Variants in KIAA1549L observed in about 807,000 individuals in gnomAD.
KIAA1549L encodes the protein UPF0606 protein KIAA1549L.
In KIAA1549L, 88 loss-of-function variants were observed where a neutral mutation model predicts 160.7. That is an observed-to-expected ratio of 0.55 (90% CI 0.46 to 0.65). The LOEUF (loss-of-function observed/expected upper bound fraction) is 0.65. Among genes scored for constraint, KIAA1549L ranks in the 30% least tolerant of loss-of-function variants. The probability of loss-of-function intolerance (pLI) is 0.00; values close to 1 mark genes in which losing one functional copy is unlikely to be tolerated. For synonymous variants in KIAA1549L, 950 were observed against 976.7 expected (o/e 0.97, Z 0.51); for missense variants, 2,258 against 2,437.5 (o/e 0.93, Z 1.55).
rs1040914626 is a variant in KIAA1549L at position 33,409,763 on chromosome 11, C to T, written c.238+32874C>T. ...AGCTTGCTTTTCTTATGTGTTCTCA[C>T]CTCTTTTTTTTTTTTTTTTTTCCTG... On this transcript the variant is annotated intron_variant, in intron 1 of 20. Transcript: ENST00000658780. Among the ~76,000 whole-genome samples the T allele has an allele frequency of 2.5e-5, 3 of 118,392 alleles. 1 individual carries two copies. The highest frequency in any genetic ancestry group is 8.5e-3 in the Middle Eastern group (2 of 234). 77.7% of individuals were successfully genotyped at this position (118,392 alleles called of 152,430 possible).
In KIAA1549L at chr11:33,551,203, C is replaced by A. The variant is rs770633070; in HGVS notation, c.3665C>A (p.Ala1222Glu). Residue 1222 changes from alanine to glutamate, a missense_variant, in exon 5 of 21, where the codon GCA becomes GAA. Physicochemically the swap from Ala to Glu is moderately radical, Grantham distance 107 (BLOSUM62 -1). Transcript: ENST00000658780. Reference protein sequence around the residue: ...KQHTPHLQSVAVLASPWNPQP... With the variant: ...KQHTPHLQSVEVLASPWNPQP... ...CACACCCCACACTTACAGTCTGTGG[C>A]AGTACTTGCCTCCCCATGGAATCCC... 7.4e-6 allele frequency: 12 copies of A among 1,613,774 alleles called. No homozygotes were observed. Among genetic ancestry groups the A allele is most frequent in the African/African-American group, 1.3e-5 (1 of 74,930 alleles).
intron 8 of KIAA1549L, among the ~76,000 whole-genome samples, chr11:33,567,108 CCCT>C (rs1421062277): frequency 6.6e-6 from 1 of 152,132 alleles, no homozygotes; most frequent in Non-Finnish European, 1.5e-5. Context: ...GTCCTGAAAA[CCCT>C]CCTCCCTGCA....
At chr11:33,643,347 C>A (rs946484317) in intron 16 of KIAA1549L, among the ~76,000 whole-genome samples, 1 of 152,160 alleles carries the variant, frequency 6.6e-6, no homozygotes, top group Non-Finnish European at 1.5e-5. Flanking sequence ...CCCAGTACTA[C>A]CCCACCCCAG....
chr11:33,445,043 G>T (rs12291618), intron 1 of KIAA1549L, among the ~76,000 whole-genome samples: 4,608 of 152,284 alleles, frequency 0.03, 234 homozygotes, highest in African/African-American at 0.11. Context: ...GTCCAGGGAT[G>T]CAGAAATAGT....
chr11:33,581,262 A>G (rs993253837), intron 10 of KIAA1549L, among the ~76,000 whole-genome samples: 14 of 152,202 alleles, frequency 9.2e-5, no homozygotes, highest in African/African-American at 3.1e-4. Flanking sequence ...AATATTTGAG[A>G]CATAGGTGAC....
intron 1 of KIAA1549L, among the ~76,000 whole-genome samples, chr11:33,385,639 A>C (rs1370637388): frequency 6.6e-6 from 1 of 152,098 alleles, no homozygotes; most frequent in East Asian, 1.9e-4. Context: ...TATGCTTTCT[A>C]TACAGATTTT....
chr11:33,458,014 C>T (rs1314861481), intron 1 of KIAA1549L, among the ~76,000 whole-genome samples: 2 of 152,222 alleles, frequency 1.3e-5, no homozygotes, highest in African/African-American at 4.8e-5. Flanking sequence ...GCTTCATTCT[C>T]TCATCCCAAG....
At chr11:33,585,194 C>A (rs1036022210) in intron 11 of KIAA1549L, among the ~76,000 whole-genome samples, 7 of 152,128 alleles carry the variant, frequency 4.6e-5, no homozygotes, top group Non-Finnish European at 1.0e-4. Context: ...TTGGGAATTG[C>A]CCAAGCAGTG....
chr11:33,388,497 G>A (rs909381217), intron 1 of KIAA1549L, among the ~76,000 whole-genome samples: 1 of 152,194 alleles, frequency 6.6e-6, no homozygotes, highest in Non-Finnish European at 1.5e-5. Context: ...TGTCAGTCAA[G>A]TGTGATGGAT....
At chr11:33,535,961 C>T (rs1038109434) in intron 1 of KIAA1549L, among the ~76,000 whole-genome samples, 13 of 152,186 alleles carry the variant, frequency 8.5e-5, no homozygotes, top group African/African-American at 3.1e-4. Context: ...TATGGCCTTC[C>T]ATAATGCAAC....
intron 16 of KIAA1549L, among the ~76,000 whole-genome samples, chr11:33,619,053 G>A (rs139492209): frequency 1.9e-3 from 291 of 152,284 alleles, no homozygotes; most frequent in African/African-American, 6.6e-3. Context: ...AGCTGGATTT[G>A]TTCCTGATTT....
At position 33,542,874 on chromosome 11, in the gene KIAA1549L, C is replaced by T; in HGVS notation, c.1311C>T (p.Ala437=). ...TAGAAATGACCAGCAGAAAGCTAGC[C>T]TCTGCCACTGCAAATGACTCTGCTA... ...GAIEMTSRKL[A]SATANDSANP... Residue 437 remains alanine (A), a synonymous_variant, in exon 2 of 21, where the codon GCC becomes GCT. Transcript: ENST00000658780. 1 of 1,613,968 alleles carries T rather than the reference C, an allele frequency of 6.2e-7. No homozygotes were observed. The highest frequency in any genetic ancestry group is 8.5e-7 in the Non-Finnish European group (1 of 1,179,874).
At chr11:33,576,674 A>G (rs1224651934) in intron 10 of KIAA1549L, among the ~76,000 whole-genome samples, 1 of 152,230 alleles carries the variant, frequency 6.6e-6, no homozygotes, top group Admixed American at 6.5e-5. Flanking sequence ...CACAGAGTCA[A>G]CGGCGCAAGA....
chr11:33,451,144 G>C lies in KIAA1549L; in HGVS notation c.238+74255G>C, dbSNP rs189084144. On this transcript the variant is annotated intron_variant, in intron 1 of 20. Coordinates refer to ENST00000658780, the MANE Select transcript of KIAA1549L (RefSeq NM_012194.3). The stretch of plus-strand genomic sequence containing the variant: ...AAACACACACAAACACAGACCCTCA[G>C]GTTTGTAGATAATCTGTTAGATGTT... Among the ~76,000 whole-genome samples, 192 of 152,288 alleles carry C rather than the reference G, an allele frequency of 1.3e-3. 1 individual carries two copies. Among genetic ancestry groups the C allele is most frequent in the African/African-American group, 4.6e-3 (191 of 41,560 alleles).
chr11:33,507,623 A>G (rs1173878443), intron 1 of KIAA1549L, among the ~76,000 whole-genome samples: 3 of 152,144 alleles, frequency 2.0e-5, no homozygotes, highest in Non-Finnish European at 4.4e-5. Flanking sequence ...TAGCTTGCCA[A>G]CTGTGTAACC....
chr11:33,625,552 G>A (rs1052864821), intron 16 of KIAA1549L, among the ~76,000 whole-genome samples: 26 of 152,260 alleles, frequency 1.7e-4, no homozygotes, highest in African/African-American at 5.3e-4. Flanking sequence ...CTGCATAAAT[G>A]TCTTCTTTTG....
intron 8 of KIAA1549L, among the ~76,000 whole-genome samples, chr11:33,565,261 TC>T (rs1855010144): frequency 6.6e-6 from 1 of 152,170 alleles, no homozygotes; most frequent in Non-Finnish European, 1.5e-5. Flanking sequence ...AGGAGCCACA[TC>T]CTGGGACACA....
intron 5 of KIAA1549L, among the ~76,000 whole-genome samples, 173 bp downstream of exon 5, chr11:33,551,432 A>G (rs1263487963): frequency 6.6e-6 from 1 of 152,220 alleles, no homozygotes; most frequent in East Asian, 1.9e-4. Context: ...ACATCAGCCT[A>G]AACTCTTCCA....
chr11:33,580,587 A>AAAAAAAG (rs1554994225), intron 10 of KIAA1549L, among the ~76,000 whole-genome samples: 35 of 127,552 alleles, frequency 2.7e-4, no homozygotes, highest in African/African-American at 1.0e-3. Context: ...AAAAAAAAAA[A>AAAAAAAG]AAAAGAAAAG....
Sources: allele counts gnomAD v4.1 joint callset (sites outside exome capture counted in the v4.1 genomes callset), GRCh38; gene constraint gnomAD v4.1.1; transcripts MANE v1.5; gene names NCBI Gene and HGNC (gene_info 2026-07-23, HGNC 2026-07-21).